Variants in RBMS3 observed in about 807,000 individuals in gnomAD.
RBMS3 encodes RNA-binding motif, single-stranded-interacting protein 3.
RBMS3 carries 27 observed loss-of-function variants against 66.8 expected under a neutral mutation model. The observed-to-expected ratio is 0.40, with a 90% CI of 0.30 to 0.56. The LOEUF is 0.56. RBMS3 is among the 20% of genes least tolerant of loss of function. The pLI, the probability that RBMS3 is intolerant of heterozygous loss-of-function variation, is 0.40. For synonymous variants in RBMS3, 188 were observed against 183.0 expected (o/e 1.03, Z -0.22); for missense variants, 513 against 549.5 (o/e 0.93, Z 0.66).
At chr3:29,849,360 A>G (rs1046142413) in intron 6 of RBMS3, among the ~76,000 whole-genome samples, 3 of 151,966 alleles carry the variant, frequency 2.0e-5, no homozygotes, top group South Asian at 2.1e-4. Context: ...CTAAAAATAT[A>G]AAAATTAACC....
intron 2 of RBMS3, among the ~76,000 whole-genome samples, chr3:29,475,990 G>A (rs1158174101): frequency 6.6e-6 from 1 of 152,048 alleles, no homozygotes; most frequent in African/African-American, 2.4e-5. Flanking sequence ...CTCCTAAATG[G>A]CACAAACAAA....
At position 29,689,289 on chromosome 3, in the gene RBMS3, A is replaced by T. The variant is rs552934202; in HGVS notation, c.400-50431A>T. On this transcript the variant is annotated intron_variant, in intron 4 of 14. Coordinates refer to ENST00000383767, the MANE Select transcript of RBMS3 (RefSeq NM_001003793.3). Reference sequence around the variant, plus strand: ...AATTCATAATTTCATAAAAAGATCTACATCTTTTTTCTGTCATTAATTATG... The same window carrying T: ...AATTCATAATTTCATAAAAAGATCTTCATCTTTTTTCTGTCATTAATTATG... Among the ~76,000 whole-genome samples, 2 of 152,264 alleles carry T rather than the reference A, an allele frequency of 1.3e-5. 1 individual carries two copies. Among genetic ancestry groups the T allele is most frequent in the South Asian group, 4.1e-4 (2 of 4,826 alleles).
rs181808075 is a variant in RBMS3, at chr3:29,494,866, G to A, written c.307+6367G>A. Reference sequence around the variant, plus strand: ...AGAGGGAATGAGTAATGGATATTCCGTAGAAAGTTTCCATGCCTATTAACC... The same window carrying A: ...AGAGGGAATGAGTAATGGATATTCCATAGAAAGTTTCCATGCCTATTAACC... On this transcript the variant is annotated intron_variant, in intron 3 of 14. Coordinates refer to ENST00000383767, the MANE Select transcript of RBMS3 (RefSeq NM_001003793.3). Among the ~76,000 whole-genome samples, 65 of 147,778 alleles carry A rather than the reference G, an allele frequency of 4.4e-4. 1 individual carries two copies. The highest frequency in any genetic ancestry group is 1.4e-3 in the African/African-American group (59 of 41,240).
At chr3:29,626,109 C>A (rs2049052932) in intron 4 of RBMS3, among the ~76,000 whole-genome samples, 1 of 152,140 alleles carries the variant, frequency 6.6e-6, no homozygotes, top group African/African-American at 2.4e-5. Flanking sequence ...AAGAATGGCT[C>A]TCAGGAAGCT....
At chr3:29,393,761 A>G (rs1425964037) in intron 1 of RBMS3, among the ~76,000 whole-genome samples, 1 of 151,852 alleles carries the variant, frequency 6.6e-6, no homozygotes, top group Non-Finnish European at 1.5e-5. Context: ...CGGGGGTGAC[A>G]TCATGTATTG....
At chr3:29,425,477 C>CA (rs397875330) in intron 1 of RBMS3, among the ~76,000 whole-genome samples, 18,679 of 144,288 alleles carry the variant, frequency 0.13, 1,583 homozygotes, top group Admixed American at 0.29. Context: ...ACTAAAAATA[C>CA]AAAAAAAAAA....
chr3:29,923,942 GT>G, intron 10 of RBMS3, among the ~76,000 whole-genome samples: 1 of 152,248 alleles, frequency 6.6e-6, no homozygotes, highest in East Asian at 1.9e-4. Flanking sequence ...TAATAGTTTG[GT>G]TTCCCACCCC....
At chr3:29,641,498 G>A (rs891279698) in intron 4 of RBMS3, among the ~76,000 whole-genome samples, 2 of 151,982 alleles carry the variant, frequency 1.3e-5, no homozygotes, top group African/African-American at 2.4e-5. Flanking sequence ...ACGTTTTAAT[G>A]TACTGCTAAA....
chr3:29,329,313 A>G (rs192179555), intron 1 of RBMS3, among the ~76,000 whole-genome samples: 6 of 152,278 alleles, frequency 3.9e-5, no homozygotes, highest in Non-Finnish European at 7.4e-5. Context: ...TGTATATACA[A>G]TTCTTCAAAG....
intron 10 of RBMS3, among the ~76,000 whole-genome samples, chr3:29,935,454 T>C (rs889111905): frequency 6.6e-6 from 1 of 152,130 alleles, no homozygotes; most frequent in Non-Finnish European, 1.5e-5. Context: ...CTAACAGAGT[T>C]TGGTATTCTG....
At chr3:29,546,106 GTT>G (rs1240309937) in intron 3 of RBMS3, among the ~76,000 whole-genome samples, 2 of 107,134 alleles carry the variant, frequency 1.9e-5, no homozygotes, top group Non-Finnish European at 3.8e-5. Context: ...GATGAGACGG[GTT>G]TGTGTGTGTG....
At chr3:29,352,507 G>A (rs2036976337) in intron 1 of RBMS3, among the ~76,000 whole-genome samples, 1 of 151,918 alleles carries the variant, frequency 6.6e-6, no homozygotes, top group South Asian at 2.1e-4. Flanking sequence ...GTGATATTTT[G>A]TTACATGCAG....
intron 6 of RBMS3, among the ~76,000 whole-genome samples, chr3:29,840,646 G>C (rs1006080059): frequency 1.3e-5 from 2 of 151,950 alleles, no homozygotes; most frequent in East Asian, 3.9e-4. Context: ...GATACCTGAA[G>C]GTCCTCAGAC....
chr3:29,722,546 C>CA (rs1244144576), intron 4 of RBMS3, among the ~76,000 whole-genome samples: 2 of 152,024 alleles, frequency 1.3e-5, no homozygotes, highest in East Asian at 1.9e-4. Flanking sequence ...TTATAATAAA[C>CA]AAAAAATTTT....
At chr3:29,409,011 A>G (rs2040150191) in intron 1 of RBMS3, among the ~76,000 whole-genome samples, 1 of 152,124 alleles carries the variant, frequency 6.6e-6, no homozygotes, top group South Asian at 2.1e-4. Context: ...GTTGAAAGGA[A>G]CCTCTGAGAC....
At chr3:29,427,962 G>A (rs989569351) in intron 1 of RBMS3, among the ~76,000 whole-genome samples, 4 of 152,184 alleles carry the variant, frequency 2.6e-5, no homozygotes, top group African/African-American at 9.7e-5. Flanking sequence ...CAATCAGAAG[G>A]AGAAGTATGT....
intron 3 of RBMS3, among the ~76,000 whole-genome samples, chr3:29,492,433 G>T (rs2043584584): frequency 6.6e-6 from 1 of 152,244 alleles, no homozygotes; most frequent in Non-Finnish European, 1.5e-5. Flanking sequence ...TCAAGGAACT[G>T]ATAAGAACGA....
intron 6 of RBMS3, among the ~76,000 whole-genome samples, chr3:29,846,500 T>A (rs2058780988): frequency 6.6e-6 from 1 of 152,210 alleles, no homozygotes; most frequent in Non-Finnish European, 1.5e-5. Context: ...AACATTTAAC[T>A]GACTGTCAGT....
chr3:29,589,238 C>T (rs141158343), intron 4 of RBMS3, among the ~76,000 whole-genome samples: 1 of 152,208 alleles, frequency 6.6e-6, no homozygotes, highest in African/African-American at 2.4e-5. Flanking sequence ...CACTCCCCCG[C>T]ACCCTCTGAC....
Sources: allele counts gnomAD v4.1 joint callset (sites outside exome capture counted in the v4.1 genomes callset), GRCh38; gene constraint gnomAD v4.1.1; transcripts MANE v1.5; gene names NCBI Gene and HGNC (gene_info 2026-07-23, HGNC 2026-07-21).